The following BRSK2 variants were observed in gnomAD, a reference collection of about 807,000 sequenced individuals.
BRSK2 encodes serine/threonine-protein kinase BRSK2.
BRSK2 carries 19 observed loss-of-function variants against 83.3 expected under a neutral mutation model. The observed-to-expected ratio is 0.23, with a 90% CI of 0.16 to 0.33. The LOEUF is 0.33. Ranked by LOEUF, BRSK2 falls within the 10% of genes least tolerant of loss-of-function variation. The probability of loss-of-function intolerance (pLI) is 1.00; values close to 1 mark genes in which losing one functional copy is unlikely to be tolerated. For missense variants in BRSK2, 798 were observed against 1,042.3 expected (o/e 0.77, Z 3.23); for synonymous variants, 519 against 435.4 (o/e 1.19, Z -2.39).
rs577010650 is a variant in BRSK2 at position 1,455,087 on chromosome 11, G to T, written c.1668+479G>T. On this transcript the variant is annotated intron_variant, in intron 16 of 19. Coordinates refer to ENST00000528841, the MANE Select transcript of BRSK2 (RefSeq NM_001256627.2). ...GTCTCACCCTGCCCTCGGAGGCCGGGTGGCTCTCCACAGAGTGGTCGCGCT... is the reference window on the plus strand; with the variant it reads ...GTCTCACCCTGCCCTCGGAGGCCGGTTGGCTCTCCACAGAGTGGTCGCGCT... 7.9e-5 allele frequency among the ~76,000 whole-genome samples: 12 copies of T among 152,276 alleles called. No individual in the cohort carries two copies. In the East Asian group the frequency reaches 2.3e-3, roughly 29 times the overall value.
chr11:1,459,302 G>A (rs372757014), intron 19 of BRSK2, 63 bp downstream of exon 19: 71 of 1,587,300 alleles, frequency 4.5e-5, no homozygotes, highest in East Asian at 2.2e-4. Context: ...CCCTCAGCCC[G>A]CTGTGGCCGC....
At chr11:1,422,100 C>T (rs930445620) in intron 1 of BRSK2, among the ~76,000 whole-genome samples, 4 of 152,116 alleles carry the variant, frequency 2.6e-5, no homozygotes, top group Admixed American at 2.0e-4. Context: ...GGGGTCAGAG[C>T]CAACTGTGTG....
chr11:1,425,998 T>A (rs555199793), intron 1 of BRSK2, among the ~76,000 whole-genome samples: 1 of 152,270 alleles, frequency 6.6e-6, no homozygotes, highest in African/African-American at 2.4e-5. Flanking sequence ...GGTGCCACGG[T>A]GAGCACACCT....
At chr11:1,416,871 G>A (rs1319978250) in intron 1 of BRSK2, among the ~76,000 whole-genome samples, 1 of 152,030 alleles carries the variant, frequency 6.6e-6, no homozygotes, top group African/African-American at 2.4e-5. Context: ...TTAAAATGTG[G>A]CTTCTTCAGC....
chr11:1,405,010 T>TTGTA (rs370471436), intron 1 of BRSK2, among the ~76,000 whole-genome samples: 15 of 23,668 alleles, frequency 6.3e-4, no homozygotes, highest in East Asian at 1.9e-3. Context: ...GTCTAGGGGG[T>TTGTA]GGGGGTGGCT....
chr11:1,451,319 G>T, intron 14 of BRSK2, 52 bp from the exon 15 acceptor site: 1 of 1,606,858 alleles, frequency 6.2e-7, no homozygotes, highest in Non-Finnish European at 8.5e-7. Context: ...CAGGGCAGGG[G>T]AAGGATGGAG....
chr11:1,448,512 TGGC>T (rs915445004), intron 12 of BRSK2, among the ~76,000 whole-genome samples: 4 of 152,170 alleles, frequency 2.6e-5, no homozygotes, highest in African/African-American at 7.2e-5. Flanking sequence ...AGCAGCTGCC[TGGC>T]CGGATAGGAC....
intron 12 of BRSK2, among the ~76,000 whole-genome samples, chr11:1,446,724 C>T (rs867237579): frequency 3.3e-5 from 5 of 152,212 alleles, no homozygotes; most frequent in African/African-American, 9.6e-5. Context: ...GGAGCCGGTG[C>T]GGCCTCTTGG....
chr11:1,450,423 G>A (rs1295147742), intron 13 of BRSK2, among the ~76,000 whole-genome samples, 164 bp from the exon 14 acceptor site: 1 of 152,026 alleles, frequency 6.6e-6, no homozygotes. Context: ...CCTCTGCAGG[G>A]CACCAAGTCC....
chr11:1,429,013 GGT>G (rs1317164521), intron 1 of BRSK2, among the ~76,000 whole-genome samples: 16 of 149,240 alleles, frequency 1.1e-4, no homozygotes, highest in African/African-American at 3.7e-4. Flanking sequence ...TGTGTGCATG[GGT>G]GTGTGTACAC....
chr11:1,447,791 G>C (rs1852358453), intron 12 of BRSK2: 1 of 1,596,168 alleles, frequency 6.3e-7, no homozygotes. Context: ...GCTCTGTTCT[G>C]CTGTAGTAAA....
intron 1 of BRSK2, chr11:1,411,036 A>C: frequency 9.5e-7 from 1 of 1,051,016 alleles, no homozygotes; most frequent in Non-Finnish European, 1.1e-6. Flanking sequence ...TTCTGCTCCC[A>C]TCACCATGGC....
chr11:1,457,066 G>C, intron 18 of BRSK2: 8 of 1,553,998 alleles, frequency 5.1e-6, no homozygotes, highest in Non-Finnish European at 6.9e-6. Context: ...CGCCCGGCCT[G>C]TGCTGGGGCG....
At chr11:1,410,839 T>C in intron 1 of BRSK2, 1 of 985,204 alleles carries the variant, frequency 1.0e-6, no homozygotes. Context: ...CCGAGACCAC[T>C]GTGGCCTGAG....
intron 1 of BRSK2, among the ~76,000 whole-genome samples, chr11:1,393,476 G>A (rs1017543000): frequency 1.3e-5 from 2 of 152,170 alleles, no homozygotes; most frequent in Non-Finnish European, 2.9e-5. Flanking sequence ...AATAATGGCC[G>A]CGATAGGGCT....
chr11:1,399,734 G>T (rs970638795), intron 1 of BRSK2, among the ~76,000 whole-genome samples: 3 of 152,204 alleles, frequency 2.0e-5, no homozygotes, highest in Admixed American at 6.5e-5. Flanking sequence ...GGACATGGGG[G>T]ATTTGGGGTA....
chr11:1,435,890 G>A (rs966261351), intron 1 of BRSK2, 150 bp from the exon 2 acceptor site: 28 of 585,756 alleles, frequency 4.8e-5, no homozygotes, highest in Non-Finnish European at 8.2e-5. Flanking sequence ...TCTGGACAGC[G>A]ACCCAGGCGG....
chr11:1,450,178 C>T (rs189843642), intron 13 of BRSK2, among the ~76,000 whole-genome samples: 24 of 151,976 alleles, frequency 1.6e-4, no homozygotes, highest in East Asian at 3.9e-4. Flanking sequence ...GCATGTGCCG[C>T]GCGGCTGCCC....
chr11:1,393,444 T>C (rs903860518), intron 1 of BRSK2, among the ~76,000 whole-genome samples: 3 of 152,002 alleles, frequency 2.0e-5, no homozygotes, highest in African/African-American at 7.2e-5. Flanking sequence ...GGGAATCCTC[T>C]GTCTGGGGGG....
Sources: allele counts gnomAD v4.1 joint callset (sites outside exome capture counted in the v4.1 genomes callset), GRCh38; gene constraint gnomAD v4.1.1; transcripts MANE v1.5; gene names NCBI Gene and HGNC (gene_info 2026-07-23, HGNC 2026-07-21).